Variants in DCDC2C observed in about 807,000 individuals in gnomAD.
DCDC2C encodes doublecortin domain containing 2C, also known as doublecortin domain-containing protein 2C.
In DCDC2C, 44 loss-of-function variants were observed where a neutral mutation model predicts 45.0. The observed-to-expected ratio is 0.98, with a 90% CI of 0.77 to 1.26. The LOEUF (loss-of-function observed/expected upper bound fraction) is 1.26, where lower values mean the gene tolerates loss of function less well. Ranked by LOEUF, DCDC2C falls within the 50% of genes most tolerant of loss-of-function variation. DCDC2C has a pLI of 0.00. For missense variants in DCDC2C, 447 were observed against 468.9 expected, an observed-to-expected ratio of 0.95 and a Z score of 0.43; for synonymous variants, 187 against 178.8, an observed-to-expected ratio of 1.05 and a Z score of -0.37.
chr2:3,803,305 C>G (rs1249686506), intron 10 of DCDC2C, among the ~76,000 whole-genome samples: 1 of 152,116 alleles, frequency 6.6e-6, no homozygotes, highest in Admixed American at 6.6e-5. Flanking sequence ...ATCTGTTGGA[C>G]TCAAACTCCT....
At chr2:3,801,774 G>A (rs1671120691) in intron 10 of DCDC2C, among the ~76,000 whole-genome samples, 1 of 152,234 alleles carries the variant, frequency 6.6e-6, no homozygotes, top group South Asian at 2.1e-4. Flanking sequence ...CCTGCAGCAT[G>A]CATGCTGACC....
At chr2:3,847,025 CTCCCAGGAACAA>C in intron 10 of DCDC2C, 117 bp from the exon 11 acceptor site, 1 of 334,124 alleles carries the variant, frequency 3.0e-6, no homozygotes, top group East Asian at 5.8e-5. Flanking sequence ...CACCCCACCC[CTCCCAGGAACAA>C]CACCCAGAAT....
intron 10 of DCDC2C, among the ~76,000 whole-genome samples, chr2:3,802,715 A>C (rs57083819): frequency 0.12 from 18,740 of 152,148 alleles, 1,307 homozygotes; most frequent in East Asian, 0.28. Flanking sequence ...GCCTCCTAAT[A>C]TCATCACTTG....
chr2:3,825,805 C>T (rs2148228671), intron 10 of DCDC2C, among the ~76,000 whole-genome samples: 1 of 152,260 alleles, frequency 6.6e-6, no homozygotes, highest in South Asian at 2.1e-4. Context: ...AGGTGGGTGG[C>T]CTGCTAGGGT....
At chr2:3,776,014 T>C (rs1161757083) in intron 8 of DCDC2C, among the ~76,000 whole-genome samples, 3 of 152,176 alleles carry the variant, frequency 2.0e-5, no homozygotes, top group East Asian at 1.9e-4. Flanking sequence ...GCTGTCAGGG[T>C]ACAGGATGTT....
intron 8 of DCDC2C, among the ~76,000 whole-genome samples, chr2:3,770,401 A>G (rs557975872): frequency 5.1e-4 from 78 of 152,276 alleles, no homozygotes; most frequent in Middle Eastern, 3.4e-3. Context: ...CACATTTGAA[A>G]AATATTACAG....
chr2:3,784,561 A>G (rs1670598945), intron 9 of DCDC2C, among the ~76,000 whole-genome samples: 1 of 151,954 alleles, frequency 6.6e-6, no homozygotes, highest in Non-Finnish European at 1.5e-5. Context: ...ATGCAGTTAT[A>G]TTAATATAAC....
intron 10 of DCDC2C, among the ~76,000 whole-genome samples, chr2:3,838,972 A>G (rs1401331333): frequency 1.3e-5 from 2 of 152,206 alleles, no homozygotes; most frequent in African/African-American, 4.8e-5. Context: ...CAGATTTTCT[A>G]TGATGAGCAT....
rs34504660 is a variant in DCDC2C, at chr2:3,806,545, CTTTTTTT to C, written c.1065+21454_1065+21460del. 3.1e-4 allele frequency among the ~76,000 whole-genome samples: 44 copies of C among 143,364 alleles called. 1 individual carries two copies. In the South Asian group the frequency reaches 1.0e-2, roughly 33 times the overall value. The allele number at this position is 143,364 out of a possible 152,430, so 94.1% of individuals were successfully genotyped here. On this transcript the variant is annotated intron_variant, in intron 10 of 10. Coordinates refer to ENST00000399143, the MANE Select transcript of DCDC2C (RefSeq NM_001287444.2). ...GGGCTTGTGATGTATCTTTGAGTGT[CTTTTTTT>C]TTTTTTTTGAGATGGAGTCTCTCAC...
chr2:3,712,544 G>C (rs1341176544), intron 2 of DCDC2C, among the ~76,000 whole-genome samples: 1 of 152,086 alleles, frequency 6.6e-6, no homozygotes, highest in Non-Finnish European at 1.5e-5. Flanking sequence ...GCTGAGGCGG[G>C]AGGATCACTT....
At chr2:3,757,382 C>T (rs1376677550) in intron 6 of DCDC2C, among the ~76,000 whole-genome samples, 2 of 152,116 alleles carry the variant, frequency 1.3e-5, no homozygotes, top group Non-Finnish European at 2.9e-5. Context: ...TGGTGCTGTG[C>T]ACATTCTAAT....
At chr2:3,829,568 CCTGT>C (rs1671905728) in intron 10 of DCDC2C, among the ~76,000 whole-genome samples, 1 of 152,126 alleles carries the variant, frequency 6.6e-6, no homozygotes, top group Non-Finnish European at 1.5e-5. Context: ...ATAATCTTTT[CCTGT>C]CTATTTGGAC....
At chr2:3,726,069 G>A (rs530947697) in intron 2 of DCDC2C, 195 of 154,154 alleles carry the variant, frequency 1.3e-3, no homozygotes, top group Non-Finnish European at 2.3e-3. Context: ...CCAGGTAGTG[G>A]GACTGTAGTG....
chr2:3,820,174 G>A (rs116313741), intron 10 of DCDC2C, among the ~76,000 whole-genome samples: 15,337 of 152,138 alleles, frequency 0.1, 1,033 homozygotes, highest in East Asian at 0.29. Context: ...ATTTTTTGAC[G>A]AAAATCATCC....
chr2:3,806,947 G>C (rs989234839), intron 10 of DCDC2C, among the ~76,000 whole-genome samples: 3 of 152,096 alleles, frequency 2.0e-5, no homozygotes, highest in African/African-American at 7.2e-5. Flanking sequence ...CGGAGTCCTT[G>C]GTGAATTCCT....
chr2:3,815,585 G>C (rs113929737), intron 10 of DCDC2C, among the ~76,000 whole-genome samples: 16,585 of 152,284 alleles, frequency 0.11, 1,101 homozygotes, highest in East Asian at 0.29. Flanking sequence ...CACCAAACAG[G>C]CTTTGTGTGA....
Position 3,725,628 on chromosome 2 carries a change from T to G in DCDC2C, c.340-1375T>G, listed in dbSNP as rs1475555464. Among the ~76,000 whole-genome samples, 15 of 102,596 alleles carry G rather than the reference T, an allele frequency of 1.5e-4. 1 individual carries two copies. Among genetic ancestry groups the G allele is most frequent in the African/African-American group, 2.4e-4 (6 of 25,050 alleles). The allele number at this position is 102,596 out of a possible 152,430, so 67.3% of individuals were successfully genotyped here. On this transcript the variant is annotated intron_variant, in intron 2 of 10. Coordinates refer to ENST00000399143, the MANE Select transcript of DCDC2C (RefSeq NM_001287444.2). ...GGATCCTGGAGGGAGACCGCCAGAG[T>G]GACGAGGATGGCCAGGTGGATCCCG...
chr2:3,727,456 C>A (rs1213024730), intron 3 of DCDC2C, among the ~76,000 whole-genome samples: 5 of 152,132 alleles, frequency 3.3e-5, no homozygotes, highest in Non-Finnish European at 7.4e-5. Context: ...GCAGTTGCAG[C>A]TGCAGCATGT....
chr2:3,713,998 A>G (rs1162004318), intron 2 of DCDC2C, among the ~76,000 whole-genome samples: 1 of 152,238 alleles, frequency 6.6e-6, no homozygotes. Context: ...AAGTCCAAAA[A>G]TTCAATGTCT....
Sources: allele counts gnomAD v4.1 joint callset (sites outside exome capture counted in the v4.1 genomes callset), GRCh38; gene constraint gnomAD v4.1.1; transcripts MANE v1.5; gene names NCBI Gene and HGNC (gene_info 2026-07-23, HGNC 2026-07-21).